The following PRKCE variants were observed in gnomAD, a reference collection of about 807,000 sequenced individuals.
The protein encoded by PRKCE is protein kinase C epsilon.
A neutral mutation model predicts 85.4 loss-of-function variants in PRKCE; 16 were observed. That is an observed-to-expected ratio of 0.19 (90% confidence interval 0.13 to 0.28). The LOEUF is 0.28. PRKCE is among the 10% of genes least tolerant of loss of function. The probability of loss-of-function intolerance (pLI) is 1.00; values close to 1 mark genes in which losing one functional copy is unlikely to be tolerated. For synonymous variants in PRKCE, 388 were observed against 371.5 expected, an observed-to-expected ratio of 1.04 and a Z score of -0.51; for missense variants, 573 against 975.2, an observed-to-expected ratio of 0.59 and a Z score of 5.49.
chr2:45,719,477 G>C (rs1350483701), intron 1 of PRKCE, among the ~76,000 whole-genome samples: 1 of 152,210 alleles, frequency 6.6e-6, no homozygotes, highest in South Asian at 2.1e-4. Context: ...GGGAAGGACT[G>C]TTTGGGGCTC....
intron 1 of PRKCE, among the ~76,000 whole-genome samples, chr2:45,790,796 CA>C (rs1558675171): frequency 6.6e-6 from 1 of 152,236 alleles, no homozygotes; most frequent in African/African-American, 2.4e-5. Context: ...TGTTTCTGCA[CA>C]ATCCTTGGAA....
At chr2:45,984,817 C>A in intron 6 of PRKCE, 137 bp downstream of exon 6, 1 of 1,242,750 alleles carries the variant, frequency 8.0e-7, no homozygotes, top group Non-Finnish European at 1.1e-6. Flanking sequence ...GTTAATCCTG[C>A]ATTAGTAACT....
rs575478248 is a variant in PRKCE, at chr2:45,739,309, C to T, written c.348+86861C>T. Among the ~76,000 whole-genome samples the T allele has an allele frequency of 1.2e-4, 19 of 152,254 alleles. No individual in the cohort carries two copies. The South Asian group carries it at 4.0e-3, about 32-fold the overall frequency. On this transcript the variant is annotated intron_variant, in intron 1 of 14. Coordinates refer to ENST00000306156, the MANE Select transcript of PRKCE (RefSeq NM_005400.3). ...GCCTTGGAAAAGCTAAGTGACTTTT[C>T]TAAGATCACACAGAAGACTGAAGTG...
intron 1 of PRKCE, among the ~76,000 whole-genome samples, chr2:45,708,694 G>A (rs901965225): frequency 2.0e-5 from 3 of 152,224 alleles, no homozygotes; most frequent in Non-Finnish European, 2.9e-5. Context: ...TAATACACCA[G>A]GTATGGCCAG....
chr2:45,725,625 G>A (rs561658293), intron 1 of PRKCE, among the ~76,000 whole-genome samples: 1 of 152,206 alleles, frequency 6.6e-6, no homozygotes, highest in South Asian at 2.1e-4. Context: ...GAGGTCAAGA[G>A]ATCGAGACCA....
chr2:46,038,651 T>TCA (rs3222422), intron 10 of PRKCE, among the ~76,000 whole-genome samples: 8,568 of 128,592 alleles, frequency 0.067, 290 homozygotes, highest in Admixed American at 0.1. Context: ...AGTAACAACT[T>TCA]CACACACACA....
intron 2 of PRKCE, among the ~76,000 whole-genome samples, chr2:45,857,903 C>T (rs534291744): frequency 3.9e-5 from 6 of 152,268 alleles, no homozygotes; most frequent in South Asian, 2.1e-4. Flanking sequence ...AAGGAATGGC[C>T]GTTGTAAATG....
intron 10 of PRKCE, among the ~76,000 whole-genome samples, chr2:46,059,557 T>A (rs902068541): frequency 6.6e-6 from 1 of 152,226 alleles, no homozygotes; most frequent in Non-Finnish European, 1.5e-5. Flanking sequence ...AGGATTTATC[T>A]CACATTTGCA....
At chr2:46,108,983 C>T (rs1244559856) in intron 11 of PRKCE, among the ~76,000 whole-genome samples, 2 of 151,638 alleles carry the variant, frequency 1.3e-5, no homozygotes, top group African/African-American at 4.8e-5. Flanking sequence ...ATTGCCTTTG[C>T]TCCATTGTCA....
chr2:45,703,806 A>G (rs558065602), intron 1 of PRKCE, among the ~76,000 whole-genome samples: 45 of 152,062 alleles, frequency 3.0e-4, no homozygotes, highest in Middle Eastern at 6.8e-3. Flanking sequence ...TTGGAAAACT[A>G]TCTTTAACTA....
chr2:46,028,272 C>A (rs1188115631), intron 10 of PRKCE, among the ~76,000 whole-genome samples: 13 of 152,192 alleles, frequency 8.5e-5, no homozygotes, highest in African/African-American at 2.9e-4. Flanking sequence ...AGTAACCTAG[C>A]CCAGCCTCAC....
chr2:45,696,114 G>T (rs116159255), intron 1 of PRKCE, among the ~76,000 whole-genome samples: 2,137 of 106,202 alleles, frequency 0.02, 57 homozygotes, highest in African/African-American at 0.076. Flanking sequence ...ACAGTCCCCA[G>T]AGTGTGAGAA....
chr2:45,816,326 T>C (rs1301989768), intron 1 of PRKCE, among the ~76,000 whole-genome samples: 1 of 152,156 alleles, frequency 6.6e-6, no homozygotes, highest in African/African-American at 2.4e-5. Context: ...ATTTGTTCAC[T>C]ACCCCCTGGA....
chr2:45,872,055 T>TA (rs1694133215), intron 2 of PRKCE, among the ~76,000 whole-genome samples: 1 of 152,054 alleles, frequency 6.6e-6, no homozygotes, highest in Admixed American at 6.6e-5. Context: ...TCATGGAACT[T>TA]ACATTCTGGT....
chr2:45,862,884 A>G (rs1693284073), intron 2 of PRKCE, among the ~76,000 whole-genome samples: 1 of 152,316 alleles, frequency 6.6e-6, no homozygotes, highest in East Asian at 1.9e-4. Context: ...CTGCATTCAC[A>G]TTGAAAACTT....
chr2:45,938,149 A>G (rs1429247971), intron 2 of PRKCE, among the ~76,000 whole-genome samples: 1 of 152,144 alleles, frequency 6.6e-6, no homozygotes, highest in African/African-American at 2.4e-5. Flanking sequence ...GTTCACACCC[A>G]CATAGAACCA....
intron 2 of PRKCE, among the ~76,000 whole-genome samples, chr2:45,915,563 G>A (rs1697704965): frequency 6.6e-6 from 1 of 152,180 alleles, no homozygotes; most frequent in African/African-American, 2.4e-5. Context: ...TCTACCTGAG[G>A]AGTAGACAAA....
chr2:45,658,444 G>T (rs1469516738), intron 1 of PRKCE, among the ~76,000 whole-genome samples: 2 of 152,170 alleles, frequency 1.3e-5, no homozygotes, highest in African/African-American at 4.8e-5. Flanking sequence ...CAGATTTAGT[G>T]AATATTTGAG....
chr2:45,814,639 A>G (rs759838704), intron 1 of PRKCE, among the ~76,000 whole-genome samples: 7 of 152,212 alleles, frequency 4.6e-5, no homozygotes, highest in South Asian at 2.1e-4. Flanking sequence ...AGGAGCACCA[A>G]TTCTCCTGGG....
Sources: gnomAD v4.1 joint callset for allele counts (sites outside exome capture counted in the v4.1 genomes callset) on GRCh38, gnomAD v4.1.1 for gene constraint, MANE v1.5 for transcripts, NCBI Gene and HGNC (gene_info 2026-07-23, HGNC 2026-07-21) for gene names.